Variants in ACOX3 observed in about 807,000 individuals in gnomAD.
ACOX3 encodes acyl-CoA oxidase 3, pristanoyl, also known as peroxisomal acyl-coenzyme A oxidase 3.
In ACOX3, 73 loss-of-function variants were observed where a neutral mutation model predicts 81.5. That is an observed-to-expected ratio of 0.90 (90% confidence interval 0.74 to 1.09). The LOEUF (loss-of-function observed/expected upper bound fraction) is 1.09, where lower values mean the gene tolerates loss of function less well. Ranked by LOEUF, ACOX3 falls within the 50% of genes least tolerant of loss-of-function variation. The pLI is 0.00. For synonymous variants in ACOX3, 387 were observed against 375.1 expected (o/e 1.03, Z -0.37); for missense variants, 947 against 928.0 (o/e 1.02, Z -0.27).
chr4:8,376,136 T>C (rs1341776614), intron 14 of ACOX3, among the ~76,000 whole-genome samples: 2 of 152,118 alleles, frequency 1.3e-5, no homozygotes, highest in Admixed American at 6.5e-5. Flanking sequence ...CCACCAACCG[T>C]GTATCTGTGT....
At chr4:8,417,936 G>A (rs538986921) in intron 1 of ACOX3, among the ~76,000 whole-genome samples, 1 of 152,306 alleles carries the variant, frequency 6.6e-6, no homozygotes, top group Non-Finnish European at 1.5e-5. Context: ...GCCAACAAAT[G>A]ATATGAAGTG....
intron 9 of ACOX3, among the ~76,000 whole-genome samples, chr4:8,395,680 C>CA (rs57229672): frequency 0.013 from 1,990 of 152,338 alleles, 46 homozygotes; most frequent in African/African-American, 0.046. Flanking sequence ...GTGGTAAGGC[C>CA]AGGCATGGTG....
chr4:8,368,822 C>T lies in ACOX3; in HGVS notation c.1984-1742G>A, dbSNP rs1465378708. On this transcript the variant is annotated intron_variant, in intron 17 of 17. Coordinates refer to ENST00000356406, the MANE Select transcript of ACOX3 (RefSeq NM_003501.3). The surrounding 1 kb of genome is among the most constrained non-coding windows in gnomAD (Gnocchi z 5.9). ...CTGCCCACCACAGCCTCGACCTCCC[C>T]AAGCTCAGGGGATCCTCTCACCTCA... Among the ~76,000 whole-genome samples the T allele has an allele frequency of 6.6e-5, 10 of 151,964 alleles. No individual in the cohort carries two copies. The highest frequency in any genetic ancestry group is 2.4e-4 in the African/African-American group (10 of 41,438).
the ACOX3 span, among the ~76,000 whole-genome samples, chr4:8,359,045 C>T: frequency 1.1e-3 from 160 of 152,230 alleles, 2 homozygotes; most frequent in Middle Eastern, 0.01. The surrounding 1 kb of genome is among the most constrained non-coding windows in gnomAD (Gnocchi z 6.0). Flanking sequence ...GTGTGGAAAC[C>T]CTTGACTCAA....
rs960295601 is a variant in ACOX3, at chr4:8,368,256, G to A, written c.1984-1176C>T. On this transcript the variant is annotated intron_variant, in intron 17 of 17. Transcript: ENST00000356406. The surrounding 1 kb of genome is among the most constrained non-coding windows in gnomAD (Gnocchi z 5.9). ...CCGGGCCAGCACTCCCCTACGGGAGGTGCAGACTTCACTGCTCTCAGCCTA... is the reference window on the plus strand; with the variant it reads ...CCGGGCCAGCACTCCCCTACGGGAGATGCAGACTTCACTGCTCTCAGCCTA... 9.9e-5 allele frequency among the ~76,000 whole-genome samples: 15 copies of A among 152,246 alleles called. No homozygotes were observed. The highest frequency in any genetic ancestry group is 3.4e-4 in the African/African-American group (14 of 41,470).
intron 8 of ACOX3, 118 bp from the exon 9 acceptor site, chr4:8,397,237 C>T: frequency 9.9e-7 from 1 of 1,014,526 alleles, no homozygotes. Flanking sequence ...TGCCCACCTG[C>T]CCAGGCCCCA....
chr4:8,385,029 C>A lies in ACOX3; in HGVS notation c.1538-3422G>T, dbSNP rs1446971793. 6.6e-6 allele frequency among the ~76,000 whole-genome samples: 1 copy of A among 152,250 alleles called. No individual in the cohort carries two copies. Among genetic ancestry groups the A allele is most frequent in the Non-Finnish European group, 1.5e-5 (1 of 68,000 alleles). ...GACTGTGGCCCCCCACACGCAGCAG[C>A]CCCCCACCGAGGGCACCATGGCCTG... On this transcript the variant is annotated intron_variant, in intron 13 of 17. Coordinates refer to ENST00000356406, the MANE Select transcript of ACOX3 (RefSeq NM_003501.3). The surrounding 1 kb of genome is among the most constrained non-coding windows in gnomAD (Gnocchi z 5.5).
At chr4:8,380,112 C>T (rs1391646184) in intron 14 of ACOX3, among the ~76,000 whole-genome samples, 1 of 152,080 alleles carries the variant, frequency 6.6e-6, no homozygotes, top group Admixed American at 6.5e-5. Flanking sequence ...GTCACCATGG[C>T]CCTAAACTAC....
At chr4:8,397,547 G>A (rs984656273) in intron 8 of ACOX3, among the ~76,000 whole-genome samples, 3 of 152,226 alleles carry the variant, frequency 2.0e-5, no homozygotes, top group Non-Finnish European at 2.9e-5. Context: ...GGGGTTTCAC[G>A]GACACCTCTT....
chr4:8,422,021 T>C (rs1723004085), intron 1 of ACOX3, among the ~76,000 whole-genome samples: 1 of 152,164 alleles, frequency 6.6e-6, no homozygotes, highest in Admixed American at 6.5e-5. Context: ...AGAAAGCGAA[T>C]TGAGTAAATT....
At chr4:8,417,787 C>T (rs1722502654) in intron 1 of ACOX3, among the ~76,000 whole-genome samples, 1 of 152,146 alleles carries the variant, frequency 6.6e-6, no homozygotes, top group Non-Finnish European at 1.5e-5. Context: ...AAGACTGACA[C>T]AATTGGCAAA....
intron 14 of ACOX3, among the ~76,000 whole-genome samples, chr4:8,378,719 G>A (rs1211941296): frequency 6.6e-6 from 1 of 152,230 alleles, no homozygotes; most frequent in Non-Finnish European, 1.5e-5. Context: ...AAAAATGAGA[G>A]AAATGCATTT....
intron 11 of ACOX3, among the ~76,000 whole-genome samples, chr4:8,390,836 A>T (rs1294842808): frequency 1.3e-5 from 2 of 152,160 alleles, no homozygotes; most frequent in African/African-American, 4.8e-5. Flanking sequence ...ATCACCTAGA[A>T]CACCTGATTT....
intron 7 of ACOX3, among the ~76,000 whole-genome samples, chr4:8,402,183 G>A (rs1720442339): frequency 6.6e-6 from 1 of 152,264 alleles, no homozygotes; most frequent in African/African-American, 2.4e-5. Context: ...ACCAGGAGGA[G>A]CAAGGCCCTG....
rs549169307 is a variant in ACOX3 at position 8,370,015 on chromosome 4, G to A, written c.1983+893C>T. Among the ~76,000 whole-genome samples the A allele has an allele frequency of 4.6e-4, 70 of 152,358 alleles. No individual in the cohort carries two copies. The highest frequency in any genetic ancestry group is 9.4e-4 in the Non-Finnish European group (64 of 68,040). ...CATCGCTCCTCGAGGGCATCATCAG[G>A]TGGGAGGGAGACACAAGGTCAGTGA... On this transcript the variant is annotated intron_variant, in intron 17 of 17. Transcript: ENST00000356406. This position sits in a 1 kb window ranked among gnomAD's most constrained non-coding sequence, Gnocchi z 6.3.
chr4:8,405,385 G>A lies in ACOX3; in HGVS notation c.776+570C>T, dbSNP rs1257106627. ...CTTTCTAGGCCCCTCCCCTCTGCAC[G>A]CCCCATCCAACCCTTCAGCCAGGCC... On this transcript the variant is annotated intron_variant, in intron 7 of 17. Transcript: ENST00000356406. This position sits in a 1 kb window ranked among gnomAD's most constrained non-coding sequence, Gnocchi z 7.1. Among the ~76,000 whole-genome samples, 1 of 152,144 alleles carries A rather than the reference G, an allele frequency of 6.6e-6. No homozygotes were observed. Among genetic ancestry groups the A allele is most frequent in the African/African-American group, 2.4e-5 (1 of 41,440 alleles).
chr4:8,376,477 C>G (rs1470453368), intron 14 of ACOX3, among the ~76,000 whole-genome samples: 2 of 152,198 alleles, frequency 1.3e-5, no homozygotes, highest in African/African-American at 4.8e-5. Context: ...CAGAACACAG[C>G]AGGGTGAAGC....
chr4:8,410,146 C>T (rs1721562124), intron 6 of ACOX3, 66 bp downstream of exon 6: 2 of 1,552,562 alleles, frequency 1.3e-6, no homozygotes, highest in African/African-American at 1.4e-5. Flanking sequence ...AAAAATGACT[C>T]CAGACATTAC....
intron 16 of ACOX3, among the ~76,000 whole-genome samples, chr4:8,372,124 G>A (rs1474194734): frequency 1.3e-5 from 2 of 152,162 alleles, no homozygotes; most frequent in Admixed American, 6.5e-5. Context: ...TTGAGACGGG[G>A]TCTTGCTCTG....
Sources: allele counts gnomAD v4.1 joint callset (sites outside exome capture counted in the v4.1 genomes callset), GRCh38; gene constraint gnomAD v4.1.1; non-coding constraint Gnocchi (gnomAD v3.1); transcripts MANE v1.5; gene names NCBI Gene and HGNC (gene_info 2026-07-23, HGNC 2026-07-21).